Variants in GLDC observed in about 807,000 individuals in gnomAD.
The protein encoded by GLDC is glycine decarboxylase, also known as glycine dehydrogenase (decarboxylating), mitochondrial.
Under a neutral mutation model 121.3 loss-of-function variants are expected in GLDC, and 104 were observed. The ratio of observed to expected loss-of-function variants is 0.86; its 90% CI spans 0.73 to 1.01. GLDC has a LOEUF of 1.01. Ranked by LOEUF, GLDC falls within the 50% of genes least tolerant of loss-of-function variation. GLDC has a pLI of 0.00. For missense variants in GLDC, 1,429 were observed against 1,306.6 expected, an observed-to-expected ratio of 1.09 and a Z score of -1.44; for synonymous variants, 546 against 480.6, an observed-to-expected ratio of 1.14 and a Z score of -1.78.
At chr9:6,578,213 G>A (rs909555890) in intron 15 of GLDC, among the ~76,000 whole-genome samples, 1 of 150,842 alleles carries the variant, frequency 6.6e-6, no homozygotes, top group Admixed American at 6.6e-5. Flanking sequence ...CTAGACCTCT[G>A]GGTGTAAGTG....
At chr9:6,626,698 T>A (rs1819245986) in intron 2 of GLDC, among the ~76,000 whole-genome samples, 1 of 152,172 alleles carries the variant, frequency 6.6e-6, no homozygotes, top group Non-Finnish European at 1.5e-5. Flanking sequence ...AGAAAACCCA[T>A]TCTCTCATAC....
chr9:6,597,835 C>T (rs1818520234), intron 8 of GLDC, among the ~76,000 whole-genome samples: 1 of 151,914 alleles, frequency 6.6e-6, no homozygotes, highest in Admixed American at 6.6e-5. Flanking sequence ...ACACAGGAGG[C>T]TGAGGCAGGA....
At chr9:6,639,669 G>T (rs10975710) in intron 2 of GLDC, 4 of 221,862 alleles carry the variant, frequency 1.8e-5, no homozygotes, top group Admixed American at 6.4e-5. Context: ...TAAAAAAAAA[G>T]TATATATATA....
intron 8 of GLDC, among the ~76,000 whole-genome samples, chr9:6,600,801 G>A (rs972745989): frequency 2.0e-5 from 3 of 152,170 alleles, no homozygotes; most frequent in Non-Finnish European, 4.4e-5. Context: ...CCTAAGCCCT[G>A]GAGCAACTTC....
At chr9:6,643,511 T>A (rs1279439501) in intron 2 of GLDC, among the ~76,000 whole-genome samples, 1 of 144,736 alleles carries the variant, frequency 6.9e-6, no homozygotes, top group Non-Finnish European at 1.5e-5. Context: ...TCTCCATGAT[T>A]GAAAGTGAGA....
rs149958323 is a variant in GLDC, at chr9:6,641,904, G to T, written c.334+2710C>A. On this transcript the variant is annotated intron_variant, in intron 2 of 24. Coordinates refer to ENST00000321612, the MANE Select transcript of GLDC (RefSeq NM_000170.3). ...CCTTTCTGACTACACTAGAACACAGGCATTCACATGAAGCCAAGTTTGAGT... is the reference window on the plus strand; with the variant it reads ...CCTTTCTGACTACACTAGAACACAGTCATTCACATGAAGCCAAGTTTGAGT... Among the ~76,000 whole-genome samples the T allele has an allele frequency of 1.3e-4, 20 of 152,220 alleles. No individual in the cohort carries two copies. The East Asian group carries it at 1.7e-3, about 13-fold the overall frequency.
rs746722279 is a variant in GLDC, at chr9:6,556,205, A to G, written c.2150T>C (p.Ile717Thr). ...GTAGACCTGTCCTCCATGTTGATGGATGAGGTCACACACGTCACTGATGTT... is the reference window on the plus strand; with the variant it reads ...GTAGACCTGTCCTCCATGTTGATGGGTGAGGTCACACACGTCACTGATGTT... Reference protein sequence around the residue: ...EENISDVCDLIHQHGGQVYLD... With the variant: ...EENISDVCDLTHQHGGQVYLD... The change falls in exon 18 of 25, where the codon ATC (isoleucine) becomes ACC (threonine). Residue 717 changes from isoleucine (I) to threonine (T), a missense_variant. Transcript: ENST00000321612. 6.2e-7 allele frequency: 1 copy of G among 1,613,012 alleles called. No homozygotes were observed. The highest frequency in any genetic ancestry group is 8.5e-7 in the Non-Finnish European group (1 of 1,179,054).
intron 21 of GLDC, among the ~76,000 whole-genome samples, chr9:6,543,187 A>G (rs1817307448): frequency 6.6e-6 from 1 of 152,136 alleles, no homozygotes; most frequent in Non-Finnish European, 1.5e-5. Context: ...AGGTGGGAGA[A>G]TCGCTTGATC....
chr9:6,576,594 G>A (rs1460416925), intron 15 of GLDC, among the ~76,000 whole-genome samples: 1 of 152,050 alleles, frequency 6.6e-6, no homozygotes, highest in Non-Finnish European at 1.5e-5. Flanking sequence ...AGCCTCCCGA[G>A]TAGCTGGGAT....
chr9:6,605,293 A>C lies in GLDC; in HGVS notation c.714-15T>G, dbSNP rs1818707618. The C allele has an allele frequency of 6.2e-7, 1 of 1,612,808 alleles. No homozygotes were observed. Among genetic ancestry groups the C allele is most frequent in the South Asian group, 1.1e-5 (1 of 91,048 alleles). On this transcript the variant is annotated splice_polypyrimidine_tract_variant and intron_variant, in intron 5 of 24. Transcript: ENST00000321612. Reference sequence around the variant, plus strand: ...CTCCAGTATATCTGGAAAGACAGACAACAAAGAACAATCGTGCTTTCGGTT... The same window carrying C: ...CTCCAGTATATCTGGAAAGACAGACCACAAAGAACAATCGTGCTTTCGGTT...
At chr9:6,572,516 T>C (rs1201169519) in intron 15 of GLDC, among the ~76,000 whole-genome samples, 1 of 152,120 alleles carries the variant, frequency 6.6e-6, no homozygotes, top group Admixed American at 6.5e-5. Flanking sequence ...TACACTCCCC[T>C]ATGAAAGCAA....
In GLDC at chr9:6,533,143, C is replaced by G. The variant is rs1271866161; in HGVS notation, c.2937G>C (p.Glu979Asp). The G allele has an allele frequency of 2.5e-6, 4 of 1,613,710 alleles. No individual in the cohort carries two copies. Among genetic ancestry groups the G allele is most frequent in the Non-Finnish European group, 3.4e-6 (4 of 1,179,656 alleles). The change falls in exon 25 of 25, where the codon GAG becomes GAC. Residue 979 changes from glutamate to aspartate, a missense_variant. By Grantham distance (45) the Glu-to-Asp change is conservative. Transcript: ENST00000321612. ...GGGCAATCGTTGGCCAGAATTTGTT[C>G]TCTGGTTTCACGAAGGGCTGCAAAG... ...AAFPLPFVKP[E>D]NKFWPTIARI...
At chr9:6,634,779 TCCA>T (rs1819467896) in intron 2 of GLDC, among the ~76,000 whole-genome samples, 3 of 152,070 alleles carry the variant, frequency 2.0e-5, no homozygotes, top group African/African-American at 7.2e-5. Flanking sequence ...TCTCTCCCCT[TCCA>T]CCAAAGTTAG....
intron 2 of GLDC, chr9:6,639,304 C>A: frequency 1.1e-6 from 1 of 927,740 alleles, no homozygotes; most frequent in Non-Finnish European, 1.8e-6. Context: ...CCTGCGACTC[C>A]AGAGACAGCC....
At chr9:6,563,390 G>A (rs531658804) in intron 16 of GLDC, among the ~76,000 whole-genome samples, 4 of 152,324 alleles carry the variant, frequency 2.6e-5, no homozygotes, top group Admixed American at 6.5e-5. Context: ...CGGCCTCTCC[G>A]CCAAGCAGTG....
chr9:6,562,422 A>G (rs1418554881), intron 16 of GLDC, among the ~76,000 whole-genome samples: 1 of 152,174 alleles, frequency 6.6e-6, no homozygotes, highest in African/African-American at 2.4e-5. Flanking sequence ...TTCAAAAAAG[A>G]ATGATATATT....
At chr9:6,586,439 G>GA in intron 15 of GLDC, among the ~76,000 whole-genome samples, 1 of 152,338 alleles carries the variant, frequency 6.6e-6, no homozygotes, top group South Asian at 2.1e-4. Context: ...TGTTGCTTTT[G>GA]AAAATCACTG....
intron 15 of GLDC, among the ~76,000 whole-genome samples, chr9:6,579,893 C>T (rs1818142117): frequency 6.6e-6 from 1 of 152,188 alleles, no homozygotes; most frequent in Non-Finnish European, 1.5e-5. Context: ...CTGGCTACGG[C>T]TCCATTCACC....
chr9:6,547,674 A>T (rs1817424947), intron 21 of GLDC, among the ~76,000 whole-genome samples: 1 of 152,206 alleles, frequency 6.6e-6, no homozygotes. Flanking sequence ...AGCAAAGGAT[A>T]CTCACGGCCA....
Sources: gnomAD v4.1 joint callset for allele counts (sites outside exome capture counted in the v4.1 genomes callset) on GRCh38, gnomAD v4.1.1 for gene constraint, MANE v1.5 for transcripts, NCBI Gene and HGNC (gene_info 2026-07-23, HGNC 2026-07-21) for gene names.